The following PACRG variants were observed in gnomAD, a reference collection of about 807,000 sequenced individuals.
PACRG encodes the protein parkin coregulated.
PACRG carries 29 observed loss-of-function variants against 29.7 expected under a neutral mutation model. The ratio of observed to expected loss-of-function variants is 0.98; its 90% CI spans 0.73 to 1.33. The LOEUF is 1.33. Among genes scored for constraint, PACRG ranks in the 40% most tolerant of loss-of-function variants. The probability of loss-of-function intolerance (pLI) is 0.00; values close to 1 mark genes in which losing one functional copy is unlikely to be tolerated. For synonymous variants in PACRG, 116 were observed against 118.7 expected, an observed-to-expected ratio of 0.98 and a Z score of 0.15; for missense variants, 279 against 316.2, an observed-to-expected ratio of 0.88 and a Z score of 0.89.
chr6:162,956,265 A>G (rs996245045), intron 2 of PACRG, among the ~76,000 whole-genome samples: 1 of 152,222 alleles, frequency 6.6e-6, no homozygotes, highest in Non-Finnish European at 1.5e-5. Flanking sequence ...ATCCTGATGC[A>G]TCAAGAGCCC....
chr6:163,308,740 CATG>C (rs1357126320), intron 4 of PACRG, among the ~76,000 whole-genome samples: 1 of 151,398 alleles, frequency 6.6e-6, no homozygotes, highest in Non-Finnish European at 1.5e-5. Context: ...CGTCAAGAAA[CATG>C]ATAATAATAA....
At chr6:163,273,531 G>C (rs1306257312) in intron 4 of PACRG, among the ~76,000 whole-genome samples, 1 of 151,964 alleles carries the variant, frequency 6.6e-6, no homozygotes, top group Non-Finnish European at 1.5e-5. Flanking sequence ...TAGATTTTCT[G>C]CCTCTTCAAG....
At chr6:162,978,768 C>T (rs1802168078) in intron 2 of PACRG, among the ~76,000 whole-genome samples, 2 of 152,044 alleles carry the variant, frequency 1.3e-5, no homozygotes, top group Admixed American at 1.3e-4. Context: ...TAAACACAGA[C>T]TATATTATTT....
At chr6:162,990,181 T>C (rs1803315536) in intron 2 of PACRG, among the ~76,000 whole-genome samples, 1 of 151,658 alleles carries the variant, frequency 6.6e-6, no homozygotes, top group Admixed American at 6.6e-5. Flanking sequence ...CTATTGTGAA[T>C]AATGCTGCAA....
intron 4 of PACRG, among the ~76,000 whole-genome samples, chr6:163,168,511 A>C (rs1240200343): frequency 6.6e-6 from 1 of 152,016 alleles, no homozygotes; most frequent in East Asian, 1.9e-4. Context: ...AAAAAGAAAA[A>C]ATTGTTAAAG....
chr6:162,986,337 C>G (rs1313653215), intron 2 of PACRG, among the ~76,000 whole-genome samples: 2 of 152,140 alleles, frequency 1.3e-5, no homozygotes, highest in Non-Finnish European at 2.9e-5. Flanking sequence ...GTCACCAAAA[C>G]AGCATTGTAC....
At chr6:162,782,736 A>G (rs1243309463) in intron 1 of PACRG, among the ~76,000 whole-genome samples, 1 of 151,880 alleles carries the variant, frequency 6.6e-6, no homozygotes, top group Non-Finnish European at 1.5e-5. Flanking sequence ...AATGGACCAT[A>G]TTAACTTAAT....
At chr6:163,101,892 A>T (rs910418941) in intron 4 of PACRG, among the ~76,000 whole-genome samples, 1 of 152,232 alleles carries the variant, frequency 6.6e-6, no homozygotes, top group African/African-American at 2.4e-5. Context: ...AGAGAACCAC[A>T]TAATACATCC....
intron 2 of PACRG, among the ~76,000 whole-genome samples, chr6:162,913,975 G>A (rs1166329983): frequency 8.1e-6 from 1 of 122,784 alleles, no homozygotes; most frequent in Non-Finnish European, 1.6e-5. Context: ...TTATAAACAT[G>A]CTTTGTCTAT....
intron 1 of PACRG, among the ~76,000 whole-genome samples, chr6:162,731,296 T>C (rs909816708): frequency 1.3e-5 from 2 of 152,166 alleles, no homozygotes; most frequent in African/African-American, 4.8e-5. Context: ...AATACAGATA[T>C]AGTCAGCTCT....
chr6:162,854,938 C>T (rs2128431874), intron 2 of PACRG, among the ~76,000 whole-genome samples: 1 of 152,354 alleles, frequency 6.6e-6, no homozygotes, highest in African/African-American at 2.4e-5. Flanking sequence ...CTCTTATCAC[C>T]GTATCCTTGC....
In PACRG at chr6:162,728,148, AT is replaced by A. The variant is rs1779421447; in HGVS notation, c.-81del. On this transcript the variant is annotated 5_prime_UTR_variant, in exon 1 of 5. Coordinates refer to ENST00000366888, the MANE Select transcript of PACRG (RefSeq NM_001080379.2). ...TTCTACCATTATCGCGCCTTTTGAT[AT>A]TTTTTTCCAGACCTCCTGCTCACAT... The A allele has an allele frequency of 1.8e-5, 27 of 1,476,018 alleles. No homozygotes were observed. The highest frequency in any genetic ancestry group is 2.5e-5 in the Non-Finnish European group (27 of 1,092,292). 91.4% of individuals were successfully genotyped at this position (1,476,018 alleles called of 1,614,324 possible).
At chr6:163,071,513 G>A (rs1812049438) in intron 3 of PACRG, among the ~76,000 whole-genome samples, 1 of 151,920 alleles carries the variant, frequency 6.6e-6, no homozygotes, top group South Asian at 2.1e-4. Flanking sequence ...TACACAACAT[G>A]CAGCAGAAAC....
chr6:163,287,512 G>A (rs754355374), intron 4 of PACRG, among the ~76,000 whole-genome samples: 13 of 152,158 alleles, frequency 8.5e-5, no homozygotes, highest in Non-Finnish European at 1.8e-4. Flanking sequence ...GCAGGATCTG[G>A]GTCACACCTG....
At chr6:163,278,707 A>G (rs1481025264) in intron 4 of PACRG, among the ~76,000 whole-genome samples, 5 of 152,176 alleles carry the variant, frequency 3.3e-5, no homozygotes, top group Admixed American at 6.5e-5. Flanking sequence ...CTATTTTTAT[A>G]CCAGTACCAT....
intron 2 of PACRG, chr6:163,051,885 T>C (rs1408393706): frequency 6.6e-6 from 1 of 152,210 alleles, no homozygotes; most frequent in East Asian, 1.9e-4. Context: ...AGTTGATGGA[T>C]GAATCCGTTT....
At chr6:162,932,493 G>A (rs866030635) in intron 2 of PACRG, among the ~76,000 whole-genome samples, 1 of 151,962 alleles carries the variant, frequency 6.6e-6, no homozygotes, top group Non-Finnish European at 1.5e-5. Context: ...GTAGAATTTA[G>A]CAGTGAAGCA....
At chr6:162,997,177 AAT>A (rs934464944) in intron 2 of PACRG, among the ~76,000 whole-genome samples, 1 of 152,190 alleles carries the variant, frequency 6.6e-6, no homozygotes, top group Non-Finnish European at 1.5e-5. Flanking sequence ...TTCTTCAGAA[AAT>A]ATGTCATGCT....
intron 4 of PACRG, among the ~76,000 whole-genome samples, chr6:163,280,625 C>A (rs1365753543): frequency 6.6e-6 from 1 of 152,146 alleles, no homozygotes; most frequent in Non-Finnish European, 1.5e-5. Flanking sequence ...GACAGGAAGT[C>A]CAAGATCAAG....
Sources: gnomAD v4.1 joint callset for allele counts (sites outside exome capture counted in the v4.1 genomes callset) on GRCh38, gnomAD v4.1.1 for gene constraint, MANE v1.5 for transcripts, NCBI Gene and HGNC (gene_info 2026-07-23, HGNC 2026-07-21) for gene names.